The following CACNG3 variants were observed in gnomAD, a reference collection of about 807,000 sequenced individuals.
The protein encoded by CACNG3 is calcium voltage-gated channel auxiliary subunit gamma 3, also known as voltage-dependent calcium channel gamma-3 subunit.
In CACNG3, 3 loss-of-function variants were observed where a neutral mutation model predicts 28.5. The ratio of observed to expected loss-of-function variants is 0.11; its 90% CI spans 0.05 to 0.27. The LOEUF (loss-of-function observed/expected upper bound fraction) is 0.27, where lower values mean the gene tolerates loss of function less well. Ranked by LOEUF, CACNG3 falls within the 10% of genes least tolerant of loss-of-function variation. The pLI is 1.00. For missense variants in CACNG3, 236 were observed against 414.4 expected (o/e 0.57, Z 3.74); for synonymous variants, 174 against 162.2 (o/e 1.07, Z -0.55).
chr16:24,291,126 T>A (rs62029009), intron 1 of CACNG3, among the ~76,000 whole-genome samples: 1 of 152,088 alleles, frequency 6.6e-6, no homozygotes, highest in Non-Finnish European at 1.5e-5. Flanking sequence ...ACCTCCCTCA[T>A]AGGGTTCTTA....
intron 1 of CACNG3, among the ~76,000 whole-genome samples, chr16:24,339,467 T>C (rs1379571306): frequency 1.3e-5 from 2 of 151,612 alleles, no homozygotes; most frequent in East Asian, 3.9e-4. Flanking sequence ...CTCACTGCAA[T>C]CTACGCCTCC....
intron 1 of CACNG3, among the ~76,000 whole-genome samples, chr16:24,294,497 A>G (rs752212892): frequency 5.9e-5 from 9 of 152,188 alleles, no homozygotes; most frequent in Admixed American, 1.3e-4. Flanking sequence ...CAAGGAGGTC[A>G]AGTGACTTAC....
At chr16:24,331,210 C>A (rs12149602) in intron 1 of CACNG3, among the ~76,000 whole-genome samples, 35,808 of 151,914 alleles carry the variant, frequency 0.24, 4,724 homozygotes, top group Middle Eastern at 0.37. Context: ...GAATCAAAAC[C>A]CTCAATAACC....
At chr16:24,321,085 G>A (rs1206573309) in intron 1 of CACNG3, among the ~76,000 whole-genome samples, 1 of 152,074 alleles carries the variant, frequency 6.6e-6, no homozygotes, top group Non-Finnish European at 1.5e-5. Context: ...ATGAAATCTT[G>A]CACCATCCCA....
intron 1 of CACNG3, among the ~76,000 whole-genome samples, chr16:24,330,969 A>G (rs954575497): frequency 6.6e-6 from 1 of 152,220 alleles, no homozygotes; most frequent in Non-Finnish European, 1.5e-5. Context: ...ATTGCATTTC[A>G]ATGGTTTTTG....
chr16:24,353,520 A>G (rs996350358), intron 2 of CACNG3, among the ~76,000 whole-genome samples: 10 of 152,166 alleles, frequency 6.6e-5, no homozygotes, highest in African/African-American at 9.7e-5. Flanking sequence ...AGGGCCTTCC[A>G]TGATCCAGAA....
intron 3 of CACNG3, among the ~76,000 whole-genome samples, chr16:24,356,577 C>T (rs561351291): frequency 1.3e-5 from 2 of 152,202 alleles, no homozygotes; most frequent in South Asian, 4.2e-4. Flanking sequence ...TGGTGGGTGC[C>T]TATAGTTCCA....
chr16:24,342,746 G>A (rs563570585), intron 1 of CACNG3, among the ~76,000 whole-genome samples: 6 of 152,192 alleles, frequency 3.9e-5, no homozygotes, highest in Admixed American at 3.3e-4. Flanking sequence ...TTTATTTTCC[G>A]ACGCTGAAAT....
At chr16:24,265,449 A>G (rs201977901) in intron 1 of CACNG3, among the ~76,000 whole-genome samples, 1,952 of 63,032 alleles carry the variant, frequency 0.031, 28 homozygotes, top group African/African-American at 0.056. Context: ...GAGAAAGAAA[A>G]AGAAAGAAGA....
At chr16:24,279,320 G>A (rs1183721004) in intron 1 of CACNG3, among the ~76,000 whole-genome samples, 3 of 152,152 alleles carry the variant, frequency 2.0e-5, no homozygotes, top group Non-Finnish European at 4.4e-5. Flanking sequence ...TTGAGACAGG[G>A]TCTCACTCTG....
At chr16:24,330,580 T>C (rs960457659) in intron 1 of CACNG3, among the ~76,000 whole-genome samples, 16 of 152,330 alleles carry the variant, frequency 1.1e-4, no homozygotes, top group East Asian at 3.9e-4. Context: ...AAGCCTCTAA[T>C]TCAGGGCATT....
chr16:24,333,309 C>T (rs1899657059), intron 1 of CACNG3: 1 of 152,154 alleles, frequency 6.6e-6, no homozygotes, highest in Non-Finnish European at 1.5e-5. Flanking sequence ...ATTATAATTT[C>T]ATTTTCAGAT....
Position 24,273,407 on chromosome 16 carries a change from CA to C in CACNG3, c.211+16443del, listed in dbSNP as rs1898714599. Among the ~76,000 whole-genome samples the C allele has an allele frequency of 2.0e-5, 3 of 152,288 alleles. 1 individual carries two copies. In the South Asian group the frequency reaches 6.2e-4, roughly 32 times the overall value. Reference sequence around the variant, plus strand: ...AAAATAACGCACATCTTCATTTCCTCACCTTTCGTAGACTGTCTTAGCTTCC... The same window carrying C: ...AAAATAACGCACATCTTCATTTCCTCCCTTTCGTAGACTGTCTTAGCTTCC... On this transcript the variant is annotated intron_variant, in intron 1 of 3. Coordinates refer to ENST00000005284, the MANE Select transcript of CACNG3 (RefSeq NM_006539.4).
chr16:24,286,960 G>C (rs1596628371), intron 1 of CACNG3, among the ~76,000 whole-genome samples: 1 of 152,156 alleles, frequency 6.6e-6, no homozygotes, highest in Non-Finnish European at 1.5e-5. Context: ...GGTCCTTGCC[G>C]CCAGGCTGAC....
intron 1 of CACNG3, among the ~76,000 whole-genome samples, chr16:24,341,673 A>T (rs1479370781): frequency 6.6e-6 from 1 of 152,204 alleles, no homozygotes; most frequent in Non-Finnish European, 1.5e-5. Context: ...AGATACCACA[A>T]CTAGTAAGTG....
At chr16:24,314,339 T>C (rs377554245) in intron 1 of CACNG3, among the ~76,000 whole-genome samples, 8 of 152,284 alleles carry the variant, frequency 5.3e-5, no homozygotes, top group African/African-American at 1.9e-4. Context: ...CTCGCATAAC[T>C]AGTCAGGCAG....
intron 1 of CACNG3, among the ~76,000 whole-genome samples, chr16:24,338,413 G>T (rs371090448): frequency 1.3e-5 from 2 of 151,958 alleles, no homozygotes; most frequent in African/African-American, 2.4e-5. Context: ...GCAAGATCTC[G>T]GCTCACTGCA....
Position 24,318,483 on chromosome 16 carries a change from C to T in CACNG3, c.212-28251C>T, listed in dbSNP as rs991510083. On this transcript the variant is annotated intron_variant, in intron 1 of 3. Transcript: ENST00000005284. ...CTGAGATTACAGGCATGAATTACCG[C>T]ACCCGGCCTGTATATCCTTTTTCGA... Among the ~76,000 whole-genome samples the T allele has an allele frequency of 3.3e-5, 5 of 152,264 alleles. No individual in the cohort carries two copies. The South Asian group carries it at 6.2e-4, about 19-fold the overall frequency.
intron 1 of CACNG3, among the ~76,000 whole-genome samples, chr16:24,262,381 G>A (rs904856009): frequency 1.3e-5 from 2 of 152,244 alleles, no homozygotes; most frequent in Admixed American, 1.3e-4. Flanking sequence ...GGATTGGGCA[G>A]GTGGTAGAGG....
Sources: allele counts gnomAD v4.1 joint callset (sites outside exome capture counted in the v4.1 genomes callset), GRCh38; gene constraint gnomAD v4.1.1; transcripts MANE v1.5; gene names NCBI Gene and HGNC (gene_info 2026-07-23, HGNC 2026-07-21).